Variants in SLAIN1 observed in about 807,000 individuals in gnomAD.
The protein encoded by SLAIN1 is SLAIN motif-containing protein 1.
In SLAIN1, 17 loss-of-function variants were observed where a neutral mutation model predicts 55.4. The observed-to-expected ratio is 0.31, with a 90% CI of 0.21 to 0.46. SLAIN1 has a LOEUF of 0.46. SLAIN1 is among the 20% of genes least tolerant of loss of function. The probability of loss-of-function intolerance (pLI) is 1.00; values close to 1 mark genes in which losing one functional copy is unlikely to be tolerated. For synonymous variants in SLAIN1, 348 were observed against 337.4 expected, an observed-to-expected ratio of 1.03 and a Z score of -0.35; for missense variants, 682 against 785.1, an observed-to-expected ratio of 0.87 and a Z score of 1.57.
chr13:77,746,859 G>T lies in SLAIN1; in HGVS notation c.1258+4G>T, dbSNP rs1327688402. 1.9e-6 allele frequency: 3 copies of T among 1,591,942 alleles called. No homozygotes were observed. Among genetic ancestry groups the T allele is most frequent in the Non-Finnish European group, 2.6e-6 (3 of 1,167,100 alleles). On this transcript the variant is annotated splice_donor_region_variant and intron_variant, in intron 4 of 6. Coordinates refer to ENST00000418532, the MANE Select transcript of SLAIN1 (RefSeq NM_001242868.2). ...CAACCAAATAGGACCAATGGAGGTA[G>T]GTTGTATGCTTTTTTGGTATTTGAT...
intron 2 of SLAIN1, among the ~76,000 whole-genome samples, chr13:77,743,662 T>A (rs1028633704): frequency 1.3e-5 from 2 of 152,014 alleles, no homozygotes; most frequent in African/African-American, 4.8e-5. Context: ...TTTGGTTCTT[T>A]TATCTGAAGC....
intron 2 of SLAIN1, among the ~76,000 whole-genome samples, chr13:77,736,462 T>C (rs1873124786): frequency 6.6e-6 from 1 of 152,070 alleles, no homozygotes; most frequent in South Asian, 2.1e-4. Flanking sequence ...TTATTTCTAA[T>C]CTCCAAGTCT....
Position 77,697,712 on chromosome 13 carries a change from T to G in SLAIN1, c.-202T>G. The G allele has an allele frequency of 3.8e-6, 1 of 261,070 alleles. No homozygotes were observed. Among genetic ancestry groups the G allele is most frequent in the Non-Finnish European group, 6.7e-6 (1 of 148,386 alleles). 16.2% of individuals were successfully genotyped at this position (261,070 alleles called of 1,614,324 possible). A position where few individuals can be genotyped will look rare whatever the true frequency, so the allele number is the denominator to read the frequency against. ...GGGGACTGGAGGGACGCACTGAGCA[T>G]GTGCAGATCAGCTCGGTGGTGGCTG... On this transcript the variant is annotated 5_prime_UTR_variant, in exon 1 of 7. An upstream start codon of the reference 5' UTR is lost. Coordinates refer to ENST00000418532, the MANE Select transcript of SLAIN1 (RefSeq NM_001242868.2).
chr13:77,716,331 A>ATTT (rs35867789), intron 1 of SLAIN1, among the ~76,000 whole-genome samples: 7 of 147,052 alleles, frequency 4.8e-5, no homozygotes, highest in African/African-American at 1.7e-4. Context: ...ATAGCTCTCC[A>ATTT]TTTTTTTTTT....
intron 2 of SLAIN1, among the ~76,000 whole-genome samples, chr13:77,728,011 C>T (rs142379145): frequency 2.5e-4 from 38 of 152,200 alleles, no homozygotes; most frequent in African/African-American, 8.9e-4. Flanking sequence ...CCTACAAATA[C>T]AGGTATTTGT....
chr13:77,750,615 T>C (rs1237518411), intron 4 of SLAIN1, among the ~76,000 whole-genome samples: 2 of 152,170 alleles, frequency 1.3e-5, no homozygotes, highest in Non-Finnish European at 2.9e-5. Flanking sequence ...GCTGGGAACT[T>C]TAATAGGAAT....
Position 77,698,669 on chromosome 13 carries a change from G to C in SLAIN1, c.626+130G>C. On this transcript the variant is annotated intron_variant, in intron 1 of 6. Coordinates refer to ENST00000418532, the MANE Select transcript of SLAIN1 (RefSeq NM_001242868.2). The surrounding 1 kb of genome is among the most constrained non-coding windows in gnomAD (Gnocchi z 4.1). Reference sequence around the variant, plus strand: ...GTGACTCCCCGCGGCTCCCGGAGGGGCCGACCCAGCAGGTGTTGAGCCAGG... The same window carrying C: ...GTGACTCCCCGCGGCTCCCGGAGGGCCCGACCCAGCAGGTGTTGAGCCAGG... The C allele has an allele frequency of 7.9e-7, 1 of 1,268,674 alleles. No individual in the cohort carries two copies. The highest frequency in any genetic ancestry group is 1.0e-6 in the Non-Finnish European group (1 of 991,322). The allele number at this position is 1,268,674 out of a possible 1,614,324, so 78.6% of individuals were successfully genotyped here.
intron 1 of SLAIN1, among the ~76,000 whole-genome samples, chr13:77,714,021 G>C (rs779259490): frequency 1.3e-5 from 2 of 151,812 alleles, no homozygotes. Flanking sequence ...AGGGCCTGTC[G>C]AGGGGTGGGG....
chr13:77,730,636 G>A (rs1872811432), intron 2 of SLAIN1, among the ~76,000 whole-genome samples: 1 of 152,000 alleles, frequency 6.6e-6, no homozygotes, highest in African/African-American at 2.4e-5. Flanking sequence ...TTGAGTTTTG[G>A]AGCTCTTGTC....
intron 1 of SLAIN1, among the ~76,000 whole-genome samples, chr13:77,713,198 A>G (rs909125544): frequency 1.3e-5 from 2 of 152,238 alleles, no homozygotes; most frequent in African/African-American, 4.8e-5. Context: ...ACAAAAGCCA[A>G]AATTGACAAA....
intron 1 of SLAIN1, among the ~76,000 whole-genome samples, chr13:77,718,298 C>T (rs1050030879): frequency 6.6e-6 from 1 of 151,982 alleles, no homozygotes. Flanking sequence ...GGAAATTCAA[C>T]TTTCAATGTC....
rs35232337 is a variant in SLAIN1, at chr13:77,706,671, A to AT, written c.626+8140dup. On this transcript the variant is annotated intron_variant, in intron 1 of 6. Transcript: ENST00000418532. ...TTCTTCTTAAATCCTTTTCGTTTGTATTTTTTTTATTCTCTTAGGTGGGGC... is the reference window on the plus strand; with the variant it reads ...TTCTTCTTAAATCCTTTTCGTTTGTATTTTTTTTTATTCTCTTAGGTGGGGC... 7.9e-5 allele frequency among the ~76,000 whole-genome samples: 12 copies of AT among 151,652 alleles called. 1 individual carries two copies. Among genetic ancestry groups the AT allele is most frequent in the South Asian group, 6.3e-4 (3 of 4,794 alleles).
intron 1 of SLAIN1, among the ~76,000 whole-genome samples, chr13:77,706,335 A>G (rs2091089944): frequency 6.6e-6 from 1 of 152,094 alleles, no homozygotes. Context: ...TGCATGTTAA[A>G]CATGTATTTT....
intron 4 of SLAIN1, among the ~76,000 whole-genome samples, chr13:77,748,446 C>A (rs1043655549): frequency 3.1e-4 from 36 of 116,510 alleles, no homozygotes; most frequent in Admixed American, 2.9e-3. Context: ...TTTAGAACAT[C>A]GTAGTCAAGT....
chr13:77,702,958 C>T (rs1296240874), intron 1 of SLAIN1, among the ~76,000 whole-genome samples: 9 of 151,960 alleles, frequency 5.9e-5, no homozygotes, highest in Non-Finnish European at 1.2e-4. Context: ...GAAAGCAAAA[C>T]GGAGAAAGCA....
At chr13:77,699,100 G>A (rs1594243760) in intron 1 of SLAIN1, 1 of 1,492,932 alleles carries the variant, frequency 6.7e-7, no homozygotes, top group East Asian at 2.5e-5. Flanking sequence ...GTGCCCTTTT[G>A]CGTTGCATTT....
intron 6 of SLAIN1, 85 bp downstream of exon 6, chr13:77,761,195 C>T: frequency 7.3e-7 from 1 of 1,362,256 alleles, no homozygotes; most frequent in Non-Finnish European, 1.0e-6. Context: ...CTTTGGCTCA[C>T]TTTAACCTTA....
intron 2 of SLAIN1, among the ~76,000 whole-genome samples, chr13:77,731,114 A>G (rs1043741011): frequency 6.6e-6 from 1 of 152,158 alleles, no homozygotes; most frequent in African/African-American, 2.4e-5. Flanking sequence ...AGTAAATAAT[A>G]GAAGAAAATT....
chr13:77,712,524 C>T (rs2091162751), intron 1 of SLAIN1, among the ~76,000 whole-genome samples: 1 of 152,054 alleles, frequency 6.6e-6, no homozygotes, highest in Admixed American at 6.6e-5. Flanking sequence ...AGGACGTTTT[C>T]AAGTACTACA....
Sources: allele counts gnomAD v4.1 joint callset (sites outside exome capture counted in the v4.1 genomes callset), GRCh38; gene constraint gnomAD v4.1.1; non-coding constraint Gnocchi (gnomAD v3.1); transcripts MANE v1.5; gene names NCBI Gene and HGNC (gene_info 2026-07-23, HGNC 2026-07-21).